Variants in CAGE1 observed in about 807,000 individuals in gnomAD.
CAGE1 encodes cancer antigen 1.
A neutral mutation model predicts 94.9 loss-of-function variants in CAGE1; 66 were observed. The observed-to-expected ratio is 0.70, with a 90% confidence interval of 0.57 to 0.85. The LOEUF (loss-of-function observed/expected upper bound fraction) is 0.85. Ranked by LOEUF, CAGE1 falls within the 40% of genes least tolerant of loss-of-function variation. CAGE1 has a pLI of 0.00. For missense variants in CAGE1, 865 were observed against 950.4 expected, an observed-to-expected ratio of 0.91 and a Z score of 1.18; for synonymous variants, 319 against 321.0, an observed-to-expected ratio of 0.99 and a Z score of 0.07.
chr6:7,338,846 G>A, intron 11 of CAGE1: 1 of 1,245,556 alleles, frequency 8.0e-7, no homozygotes. Context: ...CTGTTATGCT[G>A]TGGTGACTGA....
At chr6:7,331,413 A>G in intron 12 of CAGE1, 1 of 660,218 alleles carries the variant, frequency 1.5e-6, no homozygotes, top group Non-Finnish European at 2.4e-6. Context: ...GGCATAACCA[A>G]TGATAAGGCT....
At chr6:7,376,429 TA>T (rs201589674) in intron 4 of CAGE1, among the ~76,000 whole-genome samples, 34 of 143,020 alleles carry the variant, frequency 2.4e-4, no homozygotes, top group African/African-American at 7.9e-4. Flanking sequence ...AATAAATAAA[TA>T]AATAAAATAA....
Position 7,329,741 on chromosome 6 carries a change from G to C in CAGE1, c.2478+108C>G, listed in dbSNP as rs113439704. 2,408 of 614,884 alleles carry C rather than the reference G, an allele frequency of 3.9e-3. 50 individuals are homozygous for C. The African/African-American group carries it at 0.04, about 10-fold the overall frequency. The allele number at this position is 614,884 out of a possible 1,614,324, so 38.1% of individuals were successfully genotyped here. A position where few individuals can be genotyped will look rare whatever the true frequency, so the allele number is the denominator to read the frequency against. On this transcript the variant is annotated intron_variant, in intron 13 of 13. Transcript: ENST00000502583. Reference sequence around the variant, plus strand: ...ATCTGAAGACAGAGGGGAAGGCTAGGTTGCACAGTATGGAAATGTGACTTC... The same window carrying C: ...ATCTGAAGACAGAGGGGAAGGCTAGCTTGCACAGTATGGAAATGTGACTTC...
At chr6:7,336,799 C>T (rs760421870) in intron 11 of CAGE1, among the ~76,000 whole-genome samples, 39 of 152,130 alleles carry the variant, frequency 2.6e-4, no homozygotes, top group Admixed American at 7.2e-4. Context: ...CATCAGCCAC[C>T]GCACGCAGCT....
chr6:7,350,620 T>A (rs1161727277), intron 11 of CAGE1, among the ~76,000 whole-genome samples: 1 of 152,076 alleles, frequency 6.6e-6, no homozygotes, highest in Non-Finnish European at 1.5e-5. Context: ...TTCAAAACCA[T>A]GCAAATACAT....
intron 11 of CAGE1, among the ~76,000 whole-genome samples, chr6:7,348,568 T>C (rs1409780173): frequency 6.6e-6 from 1 of 151,640 alleles, no homozygotes; most frequent in Non-Finnish European, 1.5e-5. Flanking sequence ...CAAGAGGAAA[T>C]CCCTGATTTA....
At chr6:7,364,407 G>C (rs1053768126) in intron 9 of CAGE1, among the ~76,000 whole-genome samples, 9 of 151,986 alleles carry the variant, frequency 5.9e-5, no homozygotes, top group African/African-American at 1.9e-4. Context: ...TCGCTTTCTA[G>C]CTCCTTAGTG....
At chr6:7,334,805 G>A (rs1758895221) in intron 11 of CAGE1, among the ~76,000 whole-genome samples, 1 of 151,726 alleles carries the variant, frequency 6.6e-6, no homozygotes, top group Non-Finnish European at 1.5e-5. Flanking sequence ...CTTAACATGG[G>A]AAAATATGTG....
intron 1 of CAGE1, among the ~76,000 whole-genome samples, chr6:7,387,907 G>A (rs1411094485): frequency 1.9e-4 from 29 of 150,264 alleles, no homozygotes; most frequent in African/African-American, 6.6e-4. Context: ...GGTGGCGTGT[G>A]CCTGTAGTCC....
intron 4 of CAGE1, among the ~76,000 whole-genome samples, chr6:7,374,527 A>G (rs1438817749): frequency 7.0e-6 from 1 of 143,314 alleles, no homozygotes; most frequent in Non-Finnish European, 1.5e-5. Flanking sequence ...TACAGACTGC[A>G]AGTTCTCTCT....
intron 9 of CAGE1, among the ~76,000 whole-genome samples, chr6:7,364,262 G>A (rs983854638): frequency 1.3e-5 from 2 of 152,082 alleles, no homozygotes; most frequent in Non-Finnish European, 2.9e-5. Context: ...CCAGTCCTCG[G>A]ACAAGTATCC....
In CAGE1 at chr6:7,373,738, C is replaced by G. The variant is rs202038274; in HGVS notation, c.1081G>C (p.Val361Leu). 638 of 1,612,854 alleles carry G rather than the reference C, an allele frequency of 4.0e-4. No homozygotes were observed. The highest frequency in any genetic ancestry group is 4.9e-4 in the Non-Finnish European group (582 of 1,179,254). The part of the protein sequence containing the change: ...IDVINKLKEN[V>L]EELIEDKYKI... ...TATTTGTCTTCAATTAATTCTTCAA[C>G]ATTCTCCTTTAGCTTATTGATGACA... The change falls in exon 5 of 14, where the codon GTT becomes CTT. Residue 361 changes from valine (V) to leucine (L), a missense_variant. Physicochemically the swap from Val to Leu is conservative, Grantham distance 32 (BLOSUM62 1). Transcript: ENST00000502583.
At chr6:7,343,994 C>CATCT in intron 11 of CAGE1, among the ~76,000 whole-genome samples, 1 of 152,366 alleles carries the variant, frequency 6.6e-6, no homozygotes, top group Admixed American at 6.5e-5. Context: ...GGAACTTCTA[C>CATCT]ATCTGAAACA....
At chr6:7,383,420 A>G (rs139169354) in intron 3 of CAGE1, among the ~76,000 whole-genome samples, 188 of 152,294 alleles carry the variant, frequency 1.2e-3, no homozygotes, top group African/African-American at 4.2e-3. Context: ...CATTTTCTGC[A>G]TTGAGAGAGC....
At chr6:7,334,541 C>A (rs1561846573) in intron 11 of CAGE1, among the ~76,000 whole-genome samples, 1 of 151,922 alleles carries the variant, frequency 6.6e-6, no homozygotes, top group Non-Finnish European at 1.5e-5. Flanking sequence ...CTAGCCTGGG[C>A]AACATGGTGA....
At position 7,389,684 on chromosome 6, in the gene CAGE1, G is replaced by C; in HGVS notation, c.-506C>G. ...CCTCGCCGTGCCGGCTACTCAACACGCCTTCCTGAGAGCACAGAACATCCA... is the reference window on the plus strand; with the variant it reads ...CCTCGCCGTGCCGGCTACTCAACACCCCTTCCTGAGAGCACAGAACATCCA... On this transcript the variant is annotated 5_prime_UTR_variant, in exon 1 of 14. Coordinates refer to ENST00000502583, the MANE Select transcript of CAGE1 (RefSeq NM_001170692.2). 2 of 451,688 alleles carry C rather than the reference G, an allele frequency of 4.4e-6. No individual in the cohort carries two copies. Among genetic ancestry groups the C allele is most frequent in the South Asian group, 5.1e-5 (2 of 38,938 alleles). The allele number at this position is 451,688 out of a possible 1,614,324, so 28.0% of individuals were successfully genotyped here.
rs1759096320 is a variant in CAGE1 at position 7,339,649 on chromosome 6, T to C, written c.2370-5559A>G. On this transcript the variant is annotated intron_variant, in intron 11 of 13. Transcript: ENST00000502583. The surrounding 1 kb of genome is among the most constrained non-coding windows in gnomAD (Gnocchi z 4.7). Reference sequence around the variant, plus strand: ...GTCCTCATAGCTTAGCTCCCACTTATGAGTGAGAACATATGATGTTTGGTT... The same window carrying C: ...GTCCTCATAGCTTAGCTCCCACTTACGAGTGAGAACATATGATGTTTGGTT... 8 of 622,112 alleles carry C rather than the reference T, an allele frequency of 1.3e-5. No individual in the cohort carries two copies. Among genetic ancestry groups the C allele is most frequent in the East Asian group, 8.3e-5 (3 of 36,174 alleles). 38.5% of individuals were successfully genotyped at this position (622,112 alleles called of 1,614,324 possible). A position where few individuals can be genotyped will look rare whatever the true frequency, so the allele number is the denominator to read the frequency against.
At chr6:7,337,325 GAAAAAAAA>G (rs58144720) in intron 11 of CAGE1, among the ~76,000 whole-genome samples, 1 of 81,592 alleles carries the variant, frequency 1.2e-5, no homozygotes, top group Non-Finnish European at 2.5e-5. Flanking sequence ...AGACTGTCTC[GAAAAAAAA>G]AAAAAAAAAA....
At chr6:7,344,335 C>T (rs1030748497) in intron 11 of CAGE1, among the ~76,000 whole-genome samples, 45 of 152,212 alleles carry the variant, frequency 3.0e-4, no homozygotes, top group African/African-American at 1.1e-3. Context: ...CCTGCCAGCC[C>T]GGGCAATGAG....
Sources: allele counts gnomAD v4.1 joint callset (sites outside exome capture counted in the v4.1 genomes callset), GRCh38; gene constraint gnomAD v4.1.1; non-coding constraint Gnocchi (gnomAD v3.1); transcripts MANE v1.5; gene names NCBI Gene and HGNC (gene_info 2026-07-23, HGNC 2026-07-21).